DMD: variants seen among roughly 807,000 people sequenced by gnomAD.
DMD encodes mutant dystrophin.
Under a neutral mutation model 330.1 loss-of-function variants are expected in DMD, and 63 were observed. The observed-to-expected ratio is 0.19, with a 90% CI of 0.16 to 0.24. DMD has a LOEUF of 0.24. Ranked by LOEUF, DMD falls within the 10% of genes least tolerant of loss-of-function variation. DMD has a pLI of 1.00. For synonymous variants in DMD, 1,223 were observed against 959.8 expected (o/e 1.27, Z -5.07); for missense variants, 3,344 against 2,684.1 (o/e 1.25, Z -5.43).
At chrX:31,149,712 T>G (rs768496575) in intron 74 of DMD, among the ~76,000 whole-genome samples, 3 of 111,765 alleles carry the variant, frequency 2.7e-5, no homozygotes, top group Non-Finnish European at 5.7e-5. Flanking sequence ...ACATTTAGGG[T>G]TATACATTTC....
chrX:31,119,936 A>G lies in DMD; in HGVS notation c.*1983T>C, dbSNP rs940314879. 1 of 111,600 alleles carries G rather than the reference A, an allele frequency of 9.0e-6. No individual in the cohort carries two copies. Among genetic ancestry groups the G allele is most frequent in the Non-Finnish European group, 1.9e-5 (1 of 53,034 alleles). The allele number at this position is 111,600 out of a possible 1,213,427, so 9.2% of individuals were successfully genotyped here. A position where few individuals can be genotyped will look rare whatever the true frequency, so the allele number is the denominator to read the frequency against. ...CAATGGACAAGTGGTGAAGCTGTGA[A>G]CTCAGGTGTGCACAATTATCAGGAA... On this transcript the variant is annotated 3_prime_UTR_variant, in exon 79 of 79. Transcript: ENST00000357033.
At chrX:31,957,101 T>C (rs1165992136) in intron 45 of DMD, among the ~76,000 whole-genome samples, 1 of 111,611 alleles carries the variant, frequency 9.0e-6, no homozygotes, top group Non-Finnish European at 1.9e-5. Context: ...GAGGCTAAGA[T>C]GAGTGGATCG....
intron 2 of DMD, among the ~76,000 whole-genome samples, chrX:32,950,779 A>C (rs1311958390): frequency 1.8e-5 from 2 of 111,915 alleles, no homozygotes; most frequent in Non-Finnish European, 3.8e-5. Flanking sequence ...GCATGAACAC[A>C]AAAGTGTCTT....
rs200845285 is a variant in DMD at position 32,567,860 on chromosome X, A to AT, written c.1813-1980dup. On this transcript the variant is annotated intron_variant, in intron 15 of 78. Coordinates refer to ENST00000357033, the MANE Select transcript of DMD (RefSeq NM_004006.3). Reference sequence around the variant, plus strand: ...TGTATATTCCTCCAGTTATAGTGTCATTTTTTTTCTTTACTATGGAAAGAG... The same window carrying AT: ...TGTATATTCCTCCAGTTATAGTGTCATTTTTTTTTCTTTACTATGGAAAGAG... Among the ~76,000 whole-genome samples the AT allele has an allele frequency of 7.2e-5, 8 of 111,612 alleles. No individual in the cohort carries two copies. The East Asian group carries it at 2.0e-3, about 28-fold the overall frequency.
chrX:31,122,575 T>G (rs777382408), intron 78 of DMD, among the ~76,000 whole-genome samples: 29 of 111,444 alleles, frequency 2.6e-4, no homozygotes, highest in Non-Finnish European at 5.1e-4. Context: ...AATAATAAAC[T>G]CTTGAATTGA....
chrX:31,664,080 C>T (rs911656534), intron 53 of DMD, among the ~76,000 whole-genome samples: 1 of 111,550 alleles, frequency 9.0e-6, no homozygotes, highest in Non-Finnish European at 1.9e-5. Flanking sequence ...CTTGGTCATG[C>T]GCCTTGCTTT....
chrX:32,464,510 G>A (rs1213998721), intron 24 of DMD, 76 bp downstream of exon 24: 10 of 796,667 alleles, frequency 1.3e-5, no homozygotes, highest in Non-Finnish European at 1.9e-5. Flanking sequence ...ATCCACCCCA[G>A]CTGTAAAACA....
intron 52 of DMD, among the ~76,000 whole-genome samples, chrX:31,714,826 G>T (rs772545894): frequency 9.0e-6 from 1 of 111,555 alleles, no homozygotes; most frequent in African/African-American, 3.3e-5. Flanking sequence ...GTGCCCTATC[G>T]TAGATTTTGG....
intron 18 of DMD, among the ~76,000 whole-genome samples, chrX:32,506,825 T>A (rs755445850): frequency 1.8e-5 from 2 of 112,056 alleles, no homozygotes; most frequent in Admixed American, 9.5e-5. Flanking sequence ...AGTATTGAAT[T>A]GTTTCCAGGA....
intron 44 of DMD, among the ~76,000 whole-genome samples, chrX:32,092,887 C>T (rs1048945769): frequency 2.8e-5 from 3 of 108,924 alleles, no homozygotes; most frequent in African/African-American, 1.0e-4. Context: ...ACTATTAAAA[C>T]GCAACTTATT....
intron 23 of DMD, among the ~76,000 whole-genome samples, chrX:32,467,696 TA>T (rs1181549471): frequency 3.0e-5 from 3 of 100,640 alleles, no homozygotes; most frequent in African/African-American, 1.3e-4. Flanking sequence ...TATATATACA[TA>T]TATATATGGA....
rs752157810 is a variant in DMD at position 32,182,092 on chromosome X, CAT to C, written c.6438+34822_6438+34823del. On this transcript the variant is annotated intron_variant, in intron 44 of 78. Coordinates refer to ENST00000357033, the MANE Select transcript of DMD (RefSeq NM_004006.3). ...AAAATGGGAGGCCTGTCAGATTTGACATATGAAGTGGTGGTTTGGCTTCCAGC... is the reference window on the plus strand; with the variant it reads ...AAAATGGGAGGCCTGTCAGATTTGACATGAAGTGGTGGTTTGGCTTCCAGC... Among the ~76,000 whole-genome samples the C allele has an allele frequency of 1.4e-4, 16 of 112,078 alleles. No individual in the cohort carries two copies. The South Asian group carries it at 5.9e-3, about 41-fold the overall frequency.
upstream of DMD, among the ~76,000 whole-genome samples, chrX:33,212,601 C>T (rs990784548): frequency 9.0e-6 from 1 of 111,283 alleles, no homozygotes; most frequent in Non-Finnish European, 1.9e-5. Context: ...CAACTGCTTG[C>T]GACTGCAATG....
chrX:32,965,310 G>A (rs1159163289), intron 2 of DMD, among the ~76,000 whole-genome samples: 1 of 110,926 alleles, frequency 9.0e-6, no homozygotes, highest in East Asian at 2.8e-4. Flanking sequence ...TGACCAACAT[G>A]GTGAAATCCC....
At position 32,390,149 on chromosome X, in the gene DMD, G is replaced by A. The variant is rs2147621228; in HGVS notation, c.4266C>T (p.Ile1422=). 8.3e-7 allele frequency: 1 copy of A among 1,208,405 alleles called. No homozygotes were observed. The highest frequency in any genetic ancestry group is 1.8e-5 in the South Asian group (1 of 56,908). Residue 1422 remains isoleucine (I), a synonymous_variant, in exon 31 of 79, where the codon ATC becomes ATT. Transcript: ENST00000357033. ...TATGTTTCTTCATTTCTTCTAAACT[G>A]ATCTCATGACTTGTCAAATCAGATT... is the stretch of plus-strand genomic sequence containing the variant. ...KIQSDLTSHE[I]SLEEMKKHNQ...
rs899442978 is a variant in DMD at position 32,626,352 on chromosome X, C to T, written c.1332-11899G>A. On this transcript the variant is annotated intron_variant, in intron 11 of 78. Transcript: ENST00000357033. The stretch of plus-strand genomic sequence containing the variant: ...CGTGGTGGCAAGCACTTTTTAATCC[C>T]GGCTACTCAGGAGGCTGAGGCAGGA... Among the ~76,000 whole-genome samples the T allele has an allele frequency of 7.3e-5, 7 of 95,543 alleles. 2 individuals are homozygous for T. Among genetic ancestry groups the T allele is most frequent in the African/African-American group, 3.7e-4 (6 of 16,331 alleles). 83.0% of individuals were successfully genotyped at this position (95,543 alleles called of 115,157 possible). A position where few individuals can be genotyped will look rare whatever the true frequency, so the allele number is the denominator to read the frequency against.
intron 60 of DMD, among the ~76,000 whole-genome samples, chrX:31,422,861 T>G (rs1048393557): frequency 6.3e-5 from 7 of 110,389 alleles, no homozygotes; most frequent in African/African-American, 2.3e-4. Context: ...TTTTTTTTTT[T>G]AAGCTCAAAC....
intron 61 of DMD, among the ~76,000 whole-genome samples, chrX:31,325,861 A>C (rs2056746738): frequency 9.0e-6 from 1 of 111,244 alleles, no homozygotes; most frequent in Non-Finnish European, 1.9e-5. Flanking sequence ...AAGCCTGTGA[A>C]TACCTAAACT....
At chrX:33,231,462 T>C (rs1042493377) in intron 1 of DMD, among the ~76,000 whole-genome samples, 1 of 112,252 alleles carries the variant, frequency 8.9e-6, no homozygotes, top group Non-Finnish European at 1.9e-5. Context: ...GAGTTTCATT[T>C]ACTTTCATCT....
Sources: gnomAD v4.1 joint callset for allele counts (sites outside exome capture counted in the v4.1 genomes callset) on GRCh38, gnomAD v4.1.1 for gene constraint, MANE v1.5 for transcripts, NCBI Gene and HGNC (gene_info 2026-07-23, HGNC 2026-07-21) for gene names.